The following GRIN2A variants were observed in gnomAD, a reference collection of about 807,000 sequenced individuals.
The protein encoded by GRIN2A is glutamate receptor ionotropic, NMDA 2A.
Under a neutral mutation model 113.4 loss-of-function variants are expected in GRIN2A, and 22 were observed. The ratio of observed to expected loss-of-function variants is 0.19; its 90% CI spans 0.14 to 0.28. GRIN2A has a LOEUF of 0.28. GRIN2A is among the 10% of genes least tolerant of loss of function. The probability of loss-of-function intolerance (pLI) is 1.00; values close to 1 mark genes in which losing one functional copy is unlikely to be tolerated. For synonymous variants in GRIN2A, 827 were observed against 738.4 expected, an observed-to-expected ratio of 1.12 and a Z score of -1.94; for missense variants, 1,502 against 1,887.0, an observed-to-expected ratio of 0.80 and a Z score of 3.78.
intron 2 of GRIN2A, among the ~76,000 whole-genome samples, chr16:9,983,485 G>A (rs1313569561): frequency 6.6e-6 from 1 of 150,536 alleles, no homozygotes; most frequent in African/African-American, 2.4e-5. Context: ...TGTCACCCAG[G>A]CTGGAGTGCA....
intron 2 of GRIN2A, among the ~76,000 whole-genome samples, chr16:9,945,045 G>T (rs1218777864): frequency 6.6e-6 from 1 of 152,192 alleles, no homozygotes. Flanking sequence ...AATTGGCCGG[G>T]TATGGTGGCT....
intron 2 of GRIN2A, among the ~76,000 whole-genome samples, chr16:10,138,200 G>T (rs950982765): frequency 6.6e-6 from 1 of 152,174 alleles, no homozygotes. Context: ...TGTGTGAGAT[G>T]GTTAACACTG....
intron 2 of GRIN2A, among the ~76,000 whole-genome samples, chr16:10,110,605 C>G (rs1352927016): frequency 6.6e-6 from 1 of 152,158 alleles, no homozygotes; most frequent in Non-Finnish European, 1.5e-5. Flanking sequence ...AGGGATATTT[C>G]AAAGATAAAA....
At chr16:9,870,819 G>A (rs2043247485) in intron 4 of GRIN2A, among the ~76,000 whole-genome samples, 1 of 151,814 alleles carries the variant, frequency 6.6e-6, no homozygotes, top group Admixed American at 6.6e-5. Flanking sequence ...TTGTATTTTA[G>A]TAGAGACAGG....
rs527593685 is a variant in GRIN2A at position 9,939,065 on chromosome 16, T to C, written c.415-514A>G. ...ATTTAAGGAGTTTGAGTAGGGTTTC[T>C]GTCACTTGAACATACGGCTCCCACA... On this transcript the variant is annotated intron_variant, in intron 2 of 12. Coordinates refer to ENST00000330684, the MANE Select transcript of GRIN2A (RefSeq NM_001134407.3). Among the ~76,000 whole-genome samples the C allele has an allele frequency of 8.5e-5, 13 of 152,344 alleles. No individual in the cohort carries two copies. The East Asian group carries it at 2.5e-3, about 29-fold the overall frequency.
intron 5 of GRIN2A, among the ~76,000 whole-genome samples, chr16:9,846,071 A>T (rs879858442): frequency 1.3e-5 from 2 of 152,226 alleles, no homozygotes; most frequent in African/African-American, 4.8e-5. Flanking sequence ...ATTTCACTGT[A>T]AAGGAATTCA....
In GRIN2A at chr16:9,762,878, T is replaced by A; in HGVS notation, c.*271A>T. The A allele has an allele frequency of 3.7e-6, 2 of 541,742 alleles. No homozygotes were observed. Among genetic ancestry groups the A allele is most frequent in the Non-Finnish European group, 6.6e-6 (2 of 302,300 alleles). The allele number at this position is 541,742 out of a possible 1,614,324, so 33.6% of individuals were successfully genotyped here. A position where few individuals can be genotyped will look rare whatever the true frequency, so the allele number is the denominator to read the frequency against. On this transcript the variant is annotated 3_prime_UTR_variant, in exon 13 of 13. Coordinates refer to ENST00000330684, the MANE Select transcript of GRIN2A (RefSeq NM_001134407.3). The stretch of plus-strand genomic sequence containing the variant: ...ATTGCCAACATACCCAGTAGGCATG[T>A]CCCGGAGACTTGCCCTTATGTAGTT...
At chr16:9,826,388 G>A (rs979151595) in intron 9 of GRIN2A, among the ~76,000 whole-genome samples, 1 of 152,154 alleles carries the variant, frequency 6.6e-6, no homozygotes, top group Non-Finnish European at 1.5e-5. Flanking sequence ...TCTTACCCAT[G>A]AATTCACCTA....
intron 2 of GRIN2A, among the ~76,000 whole-genome samples, chr16:9,993,132 C>T (rs987767940): frequency 6.6e-6 from 1 of 152,082 alleles, no homozygotes; most frequent in Non-Finnish European, 1.5e-5. Context: ...CCTCGGGAGG[C>T]TGAGGCCCAA....
intron 12 of GRIN2A, 54 bp from the exon 13 acceptor site, chr16:9,765,002 C>G: frequency 6.2e-7 from 1 of 1,610,344 alleles, no homozygotes; most frequent in Non-Finnish European, 8.5e-7. Context: ...GAACATGAAA[C>G]CACTTTGCAC....
At chr16:10,166,025 T>G (rs1278466668) in intron 2 of GRIN2A, among the ~76,000 whole-genome samples, 3 of 152,182 alleles carry the variant, frequency 2.0e-5, no homozygotes, top group Non-Finnish European at 4.4e-5. Flanking sequence ...CCACAGCTTC[T>G]TCACATCGTT....
intron 3 of GRIN2A, among the ~76,000 whole-genome samples, chr16:9,916,122 A>C (rs1020557585): frequency 3.3e-5 from 5 of 152,230 alleles, no homozygotes; most frequent in African/African-American, 7.2e-5. Flanking sequence ...ACCTCTGTGA[A>C]CATTATCTGT....
At chr16:9,967,720 A>G (rs1219837024) in intron 2 of GRIN2A, among the ~76,000 whole-genome samples, 2 of 151,880 alleles carry the variant, frequency 1.3e-5, no homozygotes, top group Admixed American at 1.3e-4. Flanking sequence ...AAAAAATTAC[A>G]TAATGGACTT....
At chr16:10,017,605 A>G (rs2046634937) in intron 2 of GRIN2A, among the ~76,000 whole-genome samples, 1 of 152,178 alleles carries the variant, frequency 6.6e-6, no homozygotes, top group African/African-American at 2.4e-5. Context: ...GGGGTTGTAC[A>G]AAAGAACAAG....
chr16:9,959,454 C>T (rs1237353512), intron 2 of GRIN2A, among the ~76,000 whole-genome samples: 3 of 152,128 alleles, frequency 2.0e-5, no homozygotes, highest in Non-Finnish European at 2.9e-5. Context: ...GTTATGGCAC[C>T]GAGGTTTTGG....
chr16:9,884,784 C>G (rs1182532556), intron 4 of GRIN2A, among the ~76,000 whole-genome samples: 2 of 145,038 alleles, frequency 1.4e-5, no homozygotes, highest in African/African-American at 2.6e-5. Context: ...GAGTCTCACT[C>G]TGTGGCCCAG....
chr16:9,921,361 G>A (rs748064061), intron 3 of GRIN2A, among the ~76,000 whole-genome samples: 10 of 152,104 alleles, frequency 6.6e-5, no homozygotes, highest in African/African-American at 1.7e-4. Flanking sequence ...AGACGTCCTC[G>A]GACCGCATGA....
chr16:10,085,830 G>T (rs1279105118), intron 2 of GRIN2A, among the ~76,000 whole-genome samples: 1 of 152,156 alleles, frequency 6.6e-6, no homozygotes, highest in Non-Finnish European at 1.5e-5. Flanking sequence ...CCAAGAAGGG[G>T]TTCCATTTAA....
At chr16:9,795,398 C>G (rs1003277520) in intron 11 of GRIN2A, among the ~76,000 whole-genome samples, 2 of 152,182 alleles carry the variant, frequency 1.3e-5, no homozygotes, top group Non-Finnish European at 2.9e-5. Context: ...AAAAGGGAGG[C>G]ATGAATAATC....
Sources: gnomAD v4.1 joint callset for allele counts (sites outside exome capture counted in the v4.1 genomes callset) on GRCh38, gnomAD v4.1.1 for gene constraint, MANE v1.5 for transcripts, NCBI Gene and HGNC (gene_info 2026-07-23, HGNC 2026-07-21) for gene names.